Variants in CARF observed in about 807,000 individuals in gnomAD.
CARF encodes the protein calcium-responsive transcription factor.
CARF carries 57 observed loss-of-function variants against 82.0 expected under a neutral mutation model. The observed-to-expected ratio is 0.70, with a 90% CI of 0.56 to 0.87. The LOEUF is 0.87. Ranked by LOEUF, CARF falls within the 40% of genes least tolerant of loss-of-function variation. CARF has a pLI of 0.00. For synonymous variants in CARF, 268 were observed against 290.1 expected, an observed-to-expected ratio of 0.92 and a Z score of 0.77; for missense variants, 771 against 855.8, an observed-to-expected ratio of 0.90 and a Z score of 1.24.
At position 202,923,691 on chromosome 2, in the gene CARF, A is replaced by G. The variant is rs371252876; in HGVS notation, c.-162-606A>G. ...AAGCAAGACAAAGCAAAAAGAACAA[A>G]TCCGGAGGCATTACATTACCTGATT... On this transcript the variant is annotated intron_variant, in intron 2 of 16. Transcript: ENST00000438828. Among the ~76,000 whole-genome samples, 12 of 152,320 alleles carry G rather than the reference A, an allele frequency of 7.9e-5. No individual in the cohort carries two copies. The South Asian group carries it at 2.5e-3, about 32-fold the overall frequency.
intron 2 of CARF, among the ~76,000 whole-genome samples, chr2:202,923,769 A>G (rs997997108): frequency 6.6e-6 from 1 of 152,238 alleles, no homozygotes; most frequent in Admixed American, 6.5e-5. Flanking sequence ...ACTGGTATCA[A>G]AATAGGTACA....
intron 8 of CARF, among the ~76,000 whole-genome samples, chr2:202,960,433 A>G (rs2059257176): frequency 6.6e-6 from 1 of 151,978 alleles, no homozygotes; most frequent in South Asian, 2.1e-4. Flanking sequence ...TATTTTTCGT[A>G]CTGATGGGGT....
intron 1 of CARF, among the ~76,000 whole-genome samples, chr2:202,915,559 T>A (rs1331240342): frequency 6.6e-6 from 1 of 152,108 alleles, no homozygotes. Flanking sequence ...AACCTCCAAC[T>A]CCCTGGTTCA....
chr2:202,965,284 C>T (rs1033037948), intron 9 of CARF, among the ~76,000 whole-genome samples: 17 of 152,182 alleles, frequency 1.1e-4, no homozygotes, highest in African/African-American at 4.1e-4. Flanking sequence ...AATACCTCCT[C>T]GGTGTGCTGT....
At chr2:202,956,358 C>T (rs1269058673) in intron 8 of CARF, among the ~76,000 whole-genome samples, 1 of 151,996 alleles carries the variant, frequency 6.6e-6, no homozygotes. Context: ...TGGGTTCAAG[C>T]GATTCTTGTG....
At position 202,955,225 on chromosome 2, in the gene CARF, A is replaced by G. The variant is rs1692658072; in HGVS notation, c.558-449A>G. ...TTTATGTTATTTTAATTGTTCCATA[A>G]AAGTATTTTTGAATTAAGACATTAT... On this transcript the variant is annotated intron_variant, in intron 7 of 16. Coordinates refer to ENST00000438828, the MANE Select transcript of CARF (RefSeq NM_024744.17). 2.0e-5 allele frequency among the ~76,000 whole-genome samples: 3 copies of G among 152,136 alleles called. No homozygotes were observed. The South Asian group carries it at 6.2e-4, about 32-fold the overall frequency.
At chr2:202,982,739 T>A (rs2060317193) in intron 16 of CARF, among the ~76,000 whole-genome samples, 2 of 152,018 alleles carry the variant, frequency 1.3e-5, no homozygotes, top group Non-Finnish European at 2.9e-5. Context: ...CATTTTAGAG[T>A]ACATGAAAAA....
chr2:202,937,585 G>C (rs1209598240), intron 3 of CARF, among the ~76,000 whole-genome samples: 1 of 151,692 alleles, frequency 6.6e-6, no homozygotes, highest in African/African-American at 2.4e-5. Context: ...TAATGTGCTT[G>C]TATGGCATGA....
In CARF at chr2:202,961,191, A is replaced by T. The variant is rs555538912; in HGVS notation, c.643-46A>T. On this transcript the variant is annotated intron_variant, in intron 8 of 16. Coordinates refer to ENST00000438828, the MANE Select transcript of CARF (RefSeq NM_024744.17). ...ACCATCTCATTACATTTATTATGCA[A>T]TGAAGTGTATTGCTAGTAATTTTGT... is the stretch of plus-strand genomic sequence containing the variant. The T allele has an allele frequency of 2.1e-6, 3 of 1,462,024 alleles. No individual in the cohort carries two copies. The African/African-American group carries it at 4.2e-5, about 21-fold the overall frequency. The allele number at this position is 1,462,024 out of a possible 1,614,324, so 90.6% of individuals were successfully genotyped here.
At chr2:202,949,494 C>A (rs2058655384) in intron 5 of CARF, among the ~76,000 whole-genome samples, 2 of 146,380 alleles carry the variant, frequency 1.4e-5, no homozygotes, top group Non-Finnish European at 1.5e-5. Flanking sequence ...TCCTTTTTTT[C>A]AATATGACTT....
chr2:202,945,051 A>T (rs1474819917), intron 5 of CARF, among the ~76,000 whole-genome samples: 1 of 152,222 alleles, frequency 6.6e-6, no homozygotes, highest in Admixed American at 6.5e-5. Flanking sequence ...AAAATGTGAG[A>T]AACAGATTAT....
At chr2:202,924,073 A>G (rs1455045923) in intron 2 of CARF, among the ~76,000 whole-genome samples, 2 of 152,222 alleles carry the variant, frequency 1.3e-5, no homozygotes, top group South Asian at 2.1e-4. Context: ...CTTGCTAGCT[A>G]TATATCTTCT....
rs1319886352 is a variant in CARF at position 202,983,585 on chromosome 2, A to C, written c.2139A>C (p.Ala713=). ...EPKEPALSME[A]KKTVDYKKLS... Reference sequence around the variant, plus strand: ...AAGAACCAGCATTGTCTATGGAAGCAAAAAAAACTGTGGACTATAAGAAAT... The same window carrying C: ...AAGAACCAGCATTGTCTATGGAAGCCAAAAAAACTGTGGACTATAAGAAAT... Residue 713 remains alanine (A), a synonymous_variant, in exon 17 of 17, where the codon GCA becomes GCC. Coordinates refer to ENST00000438828, the MANE Select transcript of CARF (RefSeq NM_024744.17). The C allele has an allele frequency of 5.0e-6, 8 of 1,600,464 alleles. No individual in the cohort carries two copies. In the East Asian group the frequency reaches 1.6e-4, roughly 31 times the overall value.
At chr2:202,980,660 A>G (rs188307035) in intron 14 of CARF, among the ~76,000 whole-genome samples, 1 of 122,086 alleles carries the variant, frequency 8.2e-6, no homozygotes, top group African/African-American at 3.1e-5. Flanking sequence ...ATATATATAT[A>G]TAGTTGTGCC....
rs2060470440 is a variant in CARF at position 202,986,908 on chromosome 2, A to ATATATG, written c.*3284_*3285insTATATG. 1 of 136,328 alleles carries ATATATG rather than the reference A, an allele frequency of 7.3e-6. No individual in the cohort carries two copies. Among genetic ancestry groups the ATATATG allele is most frequent in the Non-Finnish European group, 1.6e-5 (1 of 64,160 alleles). The allele number at this position is 136,328 out of a possible 1,614,324, so 8.4% of individuals were successfully genotyped here. On this transcript the variant is annotated 3_prime_UTR_variant, in exon 17 of 17. Coordinates refer to ENST00000438828, the MANE Select transcript of CARF (RefSeq NM_024744.17). The stretch of plus-strand genomic sequence containing the variant: ...TATATATATATATATATATATATAT[A>ATATATG]GCAACTTGATGTATAGTGTCCTTGT...
chr2:202,959,308 G>T (rs2059199665), intron 8 of CARF, among the ~76,000 whole-genome samples: 1 of 152,102 alleles, frequency 6.6e-6, no homozygotes, highest in African/African-American at 2.4e-5. Flanking sequence ...ATAATGTATT[G>T]TTTGGCATCA....
rs1194921236 is a variant in CARF at position 202,974,436 on chromosome 2, G to C, written c.1434G>C (p.Glu478Asp). 6.2e-7 allele frequency: 1 copy of C among 1,607,878 alleles called. No individual in the cohort carries two copies. The highest frequency in any genetic ancestry group is 8.5e-7 in the Non-Finnish European group (1 of 1,178,318). Reference protein sequence around the residue: ...TVNDIKNHIHEVQKSLRNGDT... With the variant: ...TVNDIKNHIHDVQKSLRNGDT... Reference sequence around the variant, plus strand: ...ATGATATAAAAAATCACATCCATGAGGTACAGAAATCCTTGAGAAATGGAG... The same window carrying C: ...ATGATATAAAAAATCACATCCATGACGTACAGAAATCCTTGAGAAATGGAG... Residue 478 changes from glutamate to aspartate, a missense_variant, in exon 13 of 17, where the codon GAG becomes GAC. Coordinates refer to ENST00000438828, the MANE Select transcript of CARF (RefSeq NM_024744.17).
chr2:202,917,210 CAAAAAAAAAAAAAA>C (rs71034203), intron 1 of CARF, among the ~76,000 whole-genome samples: 5 of 47,004 alleles, frequency 1.1e-4, no homozygotes, highest in East Asian at 6.6e-4. Flanking sequence ...GACTCCGTCT[CAAAAAAAAAAAAAA>C]AAAAAAAAAA....
At chr2:202,941,183 G>A (rs757289855) in intron 3 of CARF, among the ~76,000 whole-genome samples, 24 of 151,952 alleles carry the variant, frequency 1.6e-4, no homozygotes, top group Admixed American at 6.6e-5. Flanking sequence ...TAGGATATAA[G>A]TGATAATTTA....
Sources: gnomAD v4.1 joint callset for allele counts (sites outside exome capture counted in the v4.1 genomes callset) on GRCh38, gnomAD v4.1.1 for gene constraint, MANE v1.5 for transcripts, NCBI Gene and HGNC (gene_info 2026-07-23, HGNC 2026-07-21) for gene names.